The following SLC24A2 variants were observed in gnomAD, a reference collection of about 807,000 sequenced individuals.
The protein encoded by SLC24A2 is solute carrier family 24 member 2, also known as sodium/potassium/calcium exchanger 2.
SLC24A2 carries 36 observed loss-of-function variants against 62.0 expected under a neutral mutation model. The ratio of observed to expected loss-of-function variants is 0.58; its 90% confidence interval spans 0.44 to 0.77. The LOEUF is 0.77. SLC24A2 is among the 30% of genes least tolerant of loss of function. The probability of loss-of-function intolerance (pLI) is 0.00; values close to 1 mark genes in which losing one functional copy is unlikely to be tolerated. For missense variants in SLC24A2, 846 were observed against 817.9 expected (o/e 1.03, Z -0.42); for synonymous variants, 358 against 294.0 (o/e 1.22, Z -2.23).
chr9:20,051,720 G>C, the SLC24A2 span, among the ~76,000 whole-genome samples: 1 of 126,776 alleles, frequency 7.9e-6, no homozygotes, highest in Non-Finnish European at 1.6e-5. Context: ...GCCTGTCTTG[G>C]TCTGTGTATA....
At chr9:19,985,655 G>C in the SLC24A2 span, among the ~76,000 whole-genome samples, 1 of 152,196 alleles carries the variant, frequency 6.6e-6, no homozygotes. Context: ...GGTTGTGGTG[G>C]TGGCTAAATG....
chr9:20,261,048 G>A, the SLC24A2 span, among the ~76,000 whole-genome samples: 1 of 151,416 alleles, frequency 6.6e-6, no homozygotes, highest in Non-Finnish European at 1.5e-5. Context: ...TAGAGACGGG[G>A]TTTCACCATA....
At chr9:20,294,673 G>C in the SLC24A2 span, among the ~76,000 whole-genome samples, 2 of 152,090 alleles carry the variant, frequency 1.3e-5, no homozygotes, top group Non-Finnish European at 2.9e-5. Context: ...GAAGAAACCA[G>C]TACTAATTGA....
the SLC24A2 span, among the ~76,000 whole-genome samples, chr9:20,102,119 C>T: frequency 6.6e-6 from 1 of 152,192 alleles, no homozygotes; most frequent in African/African-American, 2.4e-5. Flanking sequence ...AGATCAGAGT[C>T]CCTAGTTCTC....
chr9:19,598,259 C>G (rs965271809), intron 4 of SLC24A2, among the ~76,000 whole-genome samples: 1 of 152,182 alleles, frequency 6.6e-6, no homozygotes, highest in Non-Finnish European at 1.5e-5. Context: ...TAATTAGACT[C>G]AAGAGATAGT....
chr9:19,789,936 G>T (rs891488724), upstream of SLC24A2, among the ~76,000 whole-genome samples: 2 of 152,084 alleles, frequency 1.3e-5, no homozygotes, highest in Admixed American at 1.3e-4. Context: ...TACAATGGGG[G>T]TAATGGGTAT....
chr9:19,620,940 CA>C (rs1319320659), intron 3 of SLC24A2, among the ~76,000 whole-genome samples: 3 of 152,254 alleles, frequency 2.0e-5, no homozygotes, highest in Non-Finnish European at 1.5e-5. Flanking sequence ...GGGGCTTCCC[CA>C]AAAATGTCCC....
At chr9:19,951,330 T>C in the SLC24A2 span, among the ~76,000 whole-genome samples, 23 of 152,182 alleles carry the variant, frequency 1.5e-4, no homozygotes, top group African/African-American at 5.3e-4. Flanking sequence ...ACAGTGTCTT[T>C]AGAAGAGGAA....
the SLC24A2 span, among the ~76,000 whole-genome samples, chr9:19,974,746 C>T: frequency 2.2e-4 from 34 of 152,292 alleles, no homozygotes; most frequent in African/African-American, 7.2e-4. Context: ...TTCTAGAGCA[C>T]ACATATTAAC....
chr9:20,208,240 G>A, the SLC24A2 span, among the ~76,000 whole-genome samples: 1 of 152,208 alleles, frequency 6.6e-6, no homozygotes, highest in Admixed American at 6.5e-5. Context: ...GCAGGTTAAC[G>A]TGGCTGGGGT....
intron 2 of SLC24A2, among the ~76,000 whole-genome samples, chr9:19,749,650 C>A (rs561574609): frequency 2.0e-5 from 3 of 152,268 alleles, no homozygotes; most frequent in Admixed American, 6.5e-5. Flanking sequence ...ATTTGCATTG[C>A]AGATAAACAA....
the SLC24A2 span, among the ~76,000 whole-genome samples, chr9:19,904,328 G>C: frequency 5.3e-5 from 8 of 152,290 alleles, no homozygotes; most frequent in Non-Finnish European, 1.2e-4. Context: ...CCCATCATGA[G>C]ATTATACACC....
intron 5 of SLC24A2, among the ~76,000 whole-genome samples, chr9:19,582,753 G>C (rs991424541): frequency 2.0e-5 from 3 of 152,030 alleles, no homozygotes; most frequent in African/African-American, 7.3e-5. Context: ...ATCACTCTCA[G>C]AAGGCTTGCA....
the SLC24A2 span, among the ~76,000 whole-genome samples, chr9:19,958,737 G>C: frequency 2.0e-5 from 3 of 152,120 alleles, no homozygotes; most frequent in African/African-American, 7.2e-5. Flanking sequence ...TATGAATCAT[G>C]GAGGCATAAT....
At chr9:19,887,256 G>T in the SLC24A2 span, among the ~76,000 whole-genome samples, 17 of 152,246 alleles carry the variant, frequency 1.1e-4, no homozygotes, top group African/African-American at 4.1e-4. Context: ...TAATGGGGTT[G>T]CCTTTTGCTT....
chr9:19,853,788 A>C, the SLC24A2 span, among the ~76,000 whole-genome samples: 1 of 152,060 alleles, frequency 6.6e-6, no homozygotes. Flanking sequence ...TACCTCTGCC[A>C]GGTTTTGGTA....
chr9:20,215,450 GA>G, the SLC24A2 span, among the ~76,000 whole-genome samples: 3 of 151,360 alleles, frequency 2.0e-5, no homozygotes, highest in Non-Finnish European at 2.9e-5. Flanking sequence ...TTACCTTCCT[GA>G]AAAAAAAGTT....
At chr9:20,102,089 T>C in the SLC24A2 span, among the ~76,000 whole-genome samples, 157 of 152,314 alleles carry the variant, frequency 1.0e-3, 1 homozygote, top group African/African-American at 3.6e-3. Flanking sequence ...TGATCAAACC[T>C]TGGGTACTCA....
the SLC24A2 span, among the ~76,000 whole-genome samples, chr9:19,861,311 T>G: frequency 6.6e-6 from 1 of 152,214 alleles, no homozygotes; most frequent in Non-Finnish European, 1.5e-5. Context: ...ATTCAAAGAA[T>G]TCTTCCAGAT....
Sources: gnomAD v4.1 joint callset for allele counts (sites outside exome capture counted in the v4.1 genomes callset) on GRCh38, gnomAD v4.1.1 for gene constraint, MANE v1.5 for transcripts, NCBI Gene and HGNC (gene_info 2026-07-23, HGNC 2026-07-21) for gene names.